Variants in HEATR5B observed in about 807,000 individuals in gnomAD.
HEATR5B encodes the protein HEAT repeat containing 5B, also known as HEAT repeat-containing protein 5B.
A neutral mutation model predicts 224.1 loss-of-function variants in HEATR5B; 156 were observed. That is an observed-to-expected ratio of 0.70 (90% confidence interval 0.61 to 0.80). HEATR5B has a LOEUF of 0.80. Among genes scored for constraint, HEATR5B ranks in the 30% least tolerant of loss-of-function variants. The probability of loss-of-function intolerance (pLI) is 0.00; values close to 1 mark genes in which losing one functional copy is unlikely to be tolerated. For synonymous variants in HEATR5B, 1,027 were observed against 893.0 expected (o/e 1.15, Z -2.68); for missense variants, 2,323 against 2,535.5 (o/e 0.92, Z 1.80).
At position 37,051,354 on chromosome 2, in the gene HEATR5B, C is replaced by CAA. The variant is rs11313174; in HGVS notation, c.2506-1513_2506-1512dup. Among the ~76,000 whole-genome samples the CAA allele has an allele frequency of 2.6e-3, 169 of 65,420 alleles. 1 individual carries two copies. Among genetic ancestry groups the CAA allele is most frequent in the African/African-American group, 3.6e-3 (64 of 17,588 alleles). 42.9% of individuals were successfully genotyped at this position (65,420 alleles called of 152,430 possible). A position where few individuals can be genotyped will look rare whatever the true frequency, so the allele number is the denominator to read the frequency against. ...CTGGCAACAGGGCGAAACTCCATCTCAAAAAAAAAAAAAAAAAAAAAAAAG... is the reference window on the plus strand; with the variant it reads ...CTGGCAACAGGGCGAAACTCCATCTCAAAAAAAAAAAAAAAAAAAAAAAAAAG... On this transcript the variant is annotated intron_variant, in intron 17 of 35. Coordinates refer to ENST00000233099, the MANE Select transcript of HEATR5B (RefSeq NM_019024.3).
chr2:37,051,986 C>T (rs903268710), intron 17 of HEATR5B, among the ~76,000 whole-genome samples: 12 of 152,094 alleles, frequency 7.9e-5, no homozygotes, highest in African/African-American at 2.2e-4. Context: ...GTGATCCCCC[C>T]GCCTCGGCCT....
At chr2:37,004,849 T>C (rs1362368812) in intron 30 of HEATR5B, among the ~76,000 whole-genome samples, 2 of 152,166 alleles carry the variant, frequency 1.3e-5, no homozygotes, top group Non-Finnish European at 2.9e-5. Flanking sequence ...CTTCCTTTAT[T>C]CAGCCTTCCT....
intron 3 of HEATR5B, among the ~76,000 whole-genome samples, chr2:37,077,695 C>T (rs1672318979): frequency 6.6e-6 from 1 of 152,222 alleles, no homozygotes. Context: ...CACTTAATGT[C>T]AATCACTGAT....
At chr2:36,990,845 G>C (rs1449444166) in intron 33 of HEATR5B, 46 bp from the exon 34 acceptor site, 2 of 1,481,332 alleles carry the variant, frequency 1.4e-6, no homozygotes, top group South Asian at 2.7e-5. Flanking sequence ...AAAACATTTT[G>C]GCATTTTATT....
At chr2:37,079,416 A>G in intron 2 of HEATR5B, 85 bp from the exon 3 acceptor site, 1 of 638,856 alleles carries the variant, frequency 1.6e-6, no homozygotes, top group Non-Finnish European at 2.7e-6. Flanking sequence ...CTTAACACTT[A>G]AGGCACTCTA....
intron 18 of HEATR5B, among the ~76,000 whole-genome samples, chr2:37,042,982 G>A (rs1408940764): frequency 6.6e-6 from 1 of 151,656 alleles, no homozygotes; most frequent in East Asian, 1.9e-4. Context: ...AGAAAATAAT[G>A]CATCTTATCT....
At chr2:37,049,294 A>T (rs1670387807) in intron 18 of HEATR5B, among the ~76,000 whole-genome samples, 1 of 152,238 alleles carries the variant, frequency 6.6e-6, no homozygotes, top group Admixed American at 6.5e-5. Flanking sequence ...TGGATAATTA[A>T]CAGAAAGAAT....
rs1195054349 is a variant in HEATR5B, at chr2:36,989,904, T to TTTA, written c.5697+743_5697+744insTAA. ...CTGGAATCCAAGAATGTTTCCTTTT[T>TTTA]TTTTTTTTTTTTTTTTTTTGAGACG... is the stretch of plus-strand genomic sequence containing the variant. On this transcript the variant is annotated intron_variant, in intron 34 of 35. Transcript: ENST00000233099. Among the ~76,000 whole-genome samples, 5 of 138,114 alleles carry TTTA rather than the reference T, an allele frequency of 3.6e-5. 1 individual carries two copies. The South Asian group carries it at 1.2e-3, about 33-fold the overall frequency. 90.6% of individuals were successfully genotyped at this position (138,114 alleles called of 152,430 possible).
chr2:37,021,792 T>C (rs992047448), intron 24 of HEATR5B, among the ~76,000 whole-genome samples: 2 of 150,666 alleles, frequency 1.3e-5, no homozygotes, highest in African/African-American at 2.4e-5. Context: ...GGGGCTGAGG[T>C]AGGAGGATCC....
At chr2:37,037,065 T>C (rs563899325) in intron 21 of HEATR5B, among the ~76,000 whole-genome samples, 1 of 148,392 alleles carries the variant, frequency 6.7e-6, no homozygotes, top group Middle Eastern at 3.4e-3. Context: ...AAATTAACAA[T>C]TATAATGATA....
At chr2:37,009,063 T>A (rs1572792012) in intron 27 of HEATR5B, among the ~76,000 whole-genome samples, 1 of 151,518 alleles carries the variant, frequency 6.6e-6, no homozygotes, top group Non-Finnish European at 1.5e-5. Flanking sequence ...ATTGAGACCA[T>A]CCTGGCCAAC....
At position 37,056,425 on chromosome 2, in the gene HEATR5B, T is replaced by C. The variant is rs2148544682; in HGVS notation, c.2399+15A>G. ...ATATATTTAACAAAAATTACCTGAT[T>C]GACTTTATACTAACCGGTGTTTATA... On this transcript the variant is annotated intron_variant, in intron 16 of 35. Coordinates refer to ENST00000233099, the MANE Select transcript of HEATR5B (RefSeq NM_019024.3). 1.3e-6 allele frequency: 2 copies of C among 1,546,030 alleles called. No individual in the cohort carries two copies. Among genetic ancestry groups the C allele is most frequent in the Non-Finnish European group, 1.7e-6 (2 of 1,149,226 alleles).
intron 33 of HEATR5B, among the ~76,000 whole-genome samples, chr2:36,992,572 C>A (rs1407772085): frequency 1.3e-5 from 2 of 151,930 alleles, no homozygotes; most frequent in Non-Finnish European, 1.5e-5. Flanking sequence ...CAGAGTGAGA[C>A]CCTGTCTCAA....
At chr2:37,055,044 T>A (rs1335241991) in intron 16 of HEATR5B, 1 of 372,946 alleles carries the variant, frequency 2.7e-6, no homozygotes, top group South Asian at 2.1e-5. Context: ...ATGCACATTT[T>A]GATGTACTTT....
Position 37,037,848 on chromosome 2 carries a change from T to A in HEATR5B, c.3216+7A>T. The stretch of plus-strand genomic sequence containing the variant: ...AAAATCAATGAATGAAATAGCTCTA[T>A]ACTTACACAAAGGCTAGGAACAAGG... On this transcript the variant is annotated splice_region_variant and intron_variant, in intron 21 of 35. Coordinates refer to ENST00000233099, the MANE Select transcript of HEATR5B (RefSeq NM_019024.3). 6.6e-7 allele frequency: 1 copy of A among 1,515,584 alleles called. No homozygotes were observed. Among genetic ancestry groups the A allele is most frequent in the African/African-American group, 1.4e-5 (1 of 71,706 alleles). The allele number at this position is 1,515,584 out of a possible 1,614,324, so 93.9% of individuals were successfully genotyped here.
intron 10 of HEATR5B, among the ~76,000 whole-genome samples, chr2:37,063,639 T>G (rs571275993): frequency 6.6e-6 from 1 of 152,192 alleles, no homozygotes; most frequent in African/African-American, 2.4e-5. Flanking sequence ...CTGCTATGAA[T>G]GGACATGGGC....
At chr2:36,988,318 G>A (rs1206795512) in intron 35 of HEATR5B, among the ~76,000 whole-genome samples, 5 of 151,334 alleles carry the variant, frequency 3.3e-5, no homozygotes, top group Non-Finnish European at 5.9e-5. Flanking sequence ...GCTGGAGTGC[G>A]CTGGCATGAT....
At position 36,997,151 on chromosome 2, in the gene HEATR5B, G is replaced by A. The variant is rs183757186; in HGVS notation, c.5545+3435C>T. 3.1e-3 allele frequency among the ~76,000 whole-genome samples: 478 copies of A among 152,088 alleles called. 1 individual carries two copies. The highest frequency in any genetic ancestry group is 5.0e-3 in the Non-Finnish European group (340 of 68,014). ...GTCTTTTTTTCATCTACCATTTAAT[G>A]TAAGGTGTTTTGATGGGTAGAAGTT... On this transcript the variant is annotated intron_variant, in intron 33 of 35. Transcript: ENST00000233099.
chr2:37,056,435 C>G lies in HEATR5B; in HGVS notation c.2399+5G>C. ...CAAAAATTACCTGATTGACTTTATA[C>G]TAACCGGTGTTTATAAGAAACATGA... On this transcript the variant is annotated splice_donor_5th_base_variant and intron_variant, in intron 16 of 35. Transcript: ENST00000233099. 1.3e-6 allele frequency: 2 copies of G among 1,584,620 alleles called. No homozygotes were observed. The highest frequency in any genetic ancestry group is 1.7e-6 in the Non-Finnish European group (2 of 1,169,178).
Sources: allele counts gnomAD v4.1 joint callset (sites outside exome capture counted in the v4.1 genomes callset), GRCh38; gene constraint gnomAD v4.1.1; transcripts MANE v1.5; gene names NCBI Gene and HGNC (gene_info 2026-07-23, HGNC 2026-07-21).